Variants in LRRC4C observed in about 807,000 individuals in gnomAD.
LRRC4C encodes leucine-rich repeat-containing protein 4C.
A neutral mutation model predicts 33.6 loss-of-function variants in LRRC4C; 5 were observed. The observed-to-expected ratio is 0.15, with a 90% CI of 0.08 to 0.31. LRRC4C has a LOEUF of 0.31. Ranked by LOEUF, LRRC4C falls within the 10% of genes least tolerant of loss-of-function variation. The pLI, the probability that LRRC4C is intolerant of heterozygous loss-of-function variation, is 1.00. For synonymous variants in LRRC4C, 329 were observed against 302.0 expected, an observed-to-expected ratio of 1.09 and a Z score of -0.93; for missense variants, 560 against 796.7, an observed-to-expected ratio of 0.70 and a Z score of 3.58.
rs73472685 is a variant in LRRC4C at position 40,884,217 on chromosome 11, T to A, written c.-407+49418A>T. ...CCCAGGATGATGCTTTACAGCTTCGTCCATTACCCTGCAAAAGACATGATC... is the reference window on the plus strand; with the variant it reads ...CCCAGGATGATGCTTTACAGCTTCGACCATTACCCTGCAAAAGACATGATC... On this transcript the variant is annotated intron_variant, in intron 2 of 6. Coordinates refer to ENST00000528697, the MANE Select transcript of LRRC4C (RefSeq NM_001258419.2). 4.6e-5 allele frequency among the ~76,000 whole-genome samples: 7 copies of A among 152,178 alleles called. No individual in the cohort carries two copies. In the East Asian group the frequency reaches 1.2e-3, roughly 25 times the overall value.
At chr11:40,852,785 T>A (rs1953575655) in intron 2 of LRRC4C, among the ~76,000 whole-genome samples, 1 of 152,176 alleles carries the variant, frequency 6.6e-6, no homozygotes, top group African/African-American at 2.4e-5. Flanking sequence ...TAACCTGGCA[T>A]CTTCAGGCAA....
At chr11:40,295,418 C>T (rs866559466) in intron 4 of LRRC4C, among the ~76,000 whole-genome samples, 28 of 151,968 alleles carry the variant, frequency 1.8e-4, no homozygotes, top group Admixed American at 3.3e-4. Flanking sequence ...TTTGAGAGAA[C>T]AGAATATGTA....
intron 1 of LRRC4C, among the ~76,000 whole-genome samples, chr11:41,260,507 A>G (rs764753904): frequency 5.5e-4 from 83 of 152,108 alleles, no homozygotes; most frequent in Non-Finnish European, 1.6e-4. Flanking sequence ...CAGGTGGAAT[A>G]CAGAAATCAA....
chr11:41,015,030 C>G (rs1382687276), intron 1 of LRRC4C, among the ~76,000 whole-genome samples: 1 of 152,068 alleles, frequency 6.6e-6, no homozygotes, highest in African/African-American at 2.4e-5. Context: ...TGACTTAGGA[C>G]TAAATGTGCA....
At chr11:40,700,684 T>C (rs1244459218) in intron 2 of LRRC4C, among the ~76,000 whole-genome samples, 2 of 152,076 alleles carry the variant, frequency 1.3e-5, no homozygotes, top group African/African-American at 4.8e-5. Flanking sequence ...GGATTCAGGG[T>C]CCAGAGTGCT....
chr11:40,760,314 C>T (rs971216895), intron 2 of LRRC4C, among the ~76,000 whole-genome samples: 3 of 151,758 alleles, frequency 2.0e-5, no homozygotes, highest in East Asian at 1.9e-4. Context: ...TATTGTCTAT[C>T]GCTGCTGCTC....
At chr11:40,665,836 C>T (rs1271129886) in intron 2 of LRRC4C, among the ~76,000 whole-genome samples, 1 of 151,890 alleles carries the variant, frequency 6.6e-6, no homozygotes, top group Non-Finnish European at 1.5e-5. Flanking sequence ...GTCAATTTAG[C>T]AAGTCTTTAC....
At chr11:40,137,163 C>CGTGTGT (rs3039962) in intron 6 of LRRC4C, among the ~76,000 whole-genome samples, 5 of 147,682 alleles carry the variant, frequency 3.4e-5, no homozygotes, top group Non-Finnish European at 7.5e-5. Flanking sequence ...CACGTGGGCA[C>CGTGTGT]GTGTGTGTGT....
chr11:40,916,074 T>C (rs1224398421), intron 2 of LRRC4C, among the ~76,000 whole-genome samples: 2 of 152,078 alleles, frequency 1.3e-5, no homozygotes, highest in South Asian at 2.1e-4. Context: ...TGTGGAGAAA[T>C]AGGAACACTT....
intron 1 of LRRC4C, among the ~76,000 whole-genome samples, chr11:41,168,688 T>G (rs1176628248): frequency 6.6e-6 from 1 of 151,502 alleles, no homozygotes; most frequent in East Asian, 1.9e-4. Context: ...AGCTGTTTGG[T>G]TTCAGAATTA....
chr11:40,332,405 C>T (rs1946402283), intron 3 of LRRC4C, among the ~76,000 whole-genome samples: 1 of 152,030 alleles, frequency 6.6e-6, no homozygotes, highest in Admixed American at 6.6e-5. Context: ...TTTAAGACAC[C>T]AGTCATTGGA....
intron 1 of LRRC4C, among the ~76,000 whole-genome samples, chr11:41,050,192 T>C (rs917059212): frequency 2.0e-5 from 3 of 152,168 alleles, no homozygotes; most frequent in Non-Finnish European, 4.4e-5. Context: ...CACTTAATAG[T>C]TCTGTGGCCA....
chr11:40,593,806 A>G (rs1392118013), intron 3 of LRRC4C, among the ~76,000 whole-genome samples: 1 of 152,220 alleles, frequency 6.6e-6, no homozygotes, highest in Non-Finnish European at 1.5e-5. Flanking sequence ...CACATTTTTT[A>G]AAAACCCATG....
intron 1 of LRRC4C, among the ~76,000 whole-genome samples, chr11:41,399,503 A>T (rs1008715533): frequency 1.3e-5 from 2 of 151,988 alleles, no homozygotes; most frequent in African/African-American, 4.8e-5. Context: ...TTCACGGAGA[A>T]GAAAAACCAA....
At chr11:41,424,235 A>C (rs1954964564) in intron 1 of LRRC4C, among the ~76,000 whole-genome samples, 1 of 152,132 alleles carries the variant, frequency 6.6e-6, no homozygotes, top group South Asian at 2.1e-4. Context: ...GGAAACAAAC[A>C]GAAAATGAAA....
At position 40,423,505 on chromosome 11, in the gene LRRC4C, C is replaced by T. The variant is rs577445636; in HGVS notation, c.-269-103784G>A. On this transcript the variant is annotated intron_variant, in intron 3 of 6. Transcript: ENST00000528697. ...GACTACAGGCGCCCGCTACCACGCC[C>T]GGCTAATTTTTTGTATTTTTAGTAG... is the stretch of plus-strand genomic sequence containing the variant. Among the ~76,000 whole-genome samples the T allele has an allele frequency of 7.7e-3, 1,166 of 151,946 alleles. 14 individuals are homozygous for T. Among genetic ancestry groups the T allele is most frequent in the African/African-American group, 0.026 (1,070 of 41,470 alleles).
chr11:40,898,020 A>C (rs1956028703), intron 2 of LRRC4C, among the ~76,000 whole-genome samples: 1 of 152,176 alleles, frequency 6.6e-6, no homozygotes, highest in South Asian at 2.1e-4. Flanking sequence ...ATAAGCTTAT[A>C]AAATAGGTCT....
intron 1 of LRRC4C, among the ~76,000 whole-genome samples, chr11:41,341,346 C>CT (rs1777541437): frequency 6.6e-6 from 1 of 152,142 alleles, no homozygotes; most frequent in African/African-American, 2.4e-5. Context: ...AAAATGACTT[C>CT]TTTCCTTATC....
At chr11:41,180,520 G>C (rs976289237) in intron 1 of LRRC4C, among the ~76,000 whole-genome samples, 1 of 152,202 alleles carries the variant, frequency 6.6e-6, no homozygotes, top group Non-Finnish European at 1.5e-5. Context: ...ATGAGAGTGA[G>C]AGATCGTCCG....
Sources: gnomAD v4.1 joint callset for allele counts (sites outside exome capture counted in the v4.1 genomes callset) on GRCh38, gnomAD v4.1.1 for gene constraint, MANE v1.5 for transcripts, NCBI Gene and HGNC (gene_info 2026-07-23, HGNC 2026-07-21) for gene names.